CDCP2: variants seen among roughly 807,000 people sequenced by gnomAD.
CDCP2 encodes the protein CUB domain containing protein 2, also known as CUB domain-containing protein 2.
CDCP2 carries 31 observed loss-of-function variants against 31.0 expected under a neutral mutation model. The observed-to-expected ratio is 1.00, with a 90% confidence interval of 0.75 to 1.35. The LOEUF (loss-of-function observed/expected upper bound fraction) is 1.35. Ranked by LOEUF, CDCP2 falls within the 40% of genes most tolerant of loss-of-function variation. The pLI is 0.00. For synonymous variants in CDCP2, 206 were observed against 207.9 expected (o/e 0.99, Z 0.08); for missense variants, 443 against 482.6 (o/e 0.92, Z 0.77).
chr1:54,135,245 G>A (rs534873438), intron 5 of CDCP2, among the ~76,000 whole-genome samples: 3 of 152,272 alleles, frequency 2.0e-5, no homozygotes, highest in African/African-American at 7.2e-5. Context: ...AGAAAGAAAA[G>A]CCACACAACA....
intron 1 of CDCP2, among the ~76,000 whole-genome samples, chr1:54,151,860 G>A (rs1659588975): frequency 6.6e-6 from 1 of 152,198 alleles, no homozygotes; most frequent in Non-Finnish European, 1.5e-5. Flanking sequence ...GGATGTGGAA[G>A]GCCGACGGAG....
chr1:54,137,075 G>A (rs1304081802), intron 4 of CDCP2, among the ~76,000 whole-genome samples: 3 of 152,220 alleles, frequency 2.0e-5, no homozygotes, highest in Non-Finnish European at 2.9e-5. Context: ...AGCTTGGCAG[G>A]CCCAGTGAAT....
In CDCP2 at chr1:54,144,934, T is replaced by C. The variant is rs555883405; in HGVS notation, c.80-121A>G. On this transcript the variant is annotated intron_variant, in intron 1 of 5. Transcript: ENST00000530059. ...GATGGGATGAGGGAACACATGGCCA[T>C]GTGTTTATTTGCTCATGCATCTACT... 1.3e-4 allele frequency: 83 copies of C among 663,752 alleles called. No homozygotes were observed. In the African/African-American group the frequency reaches 1.4e-3, roughly 11 times the overall value. The allele number at this position is 663,752 out of a possible 1,614,324, so 41.1% of individuals were successfully genotyped here.
intron 5 of CDCP2, 98 bp from the exon 6 acceptor site, chr1:54,133,392 G>A (rs1056158784): frequency 9.3e-5 from 37 of 397,744 alleles, no homozygotes; most frequent in East Asian, 2.5e-4. Context: ...GGCAGAGCCC[G>A]AGGAGCCTGT....
intron 1 of CDCP2, among the ~76,000 whole-genome samples, chr1:54,151,539 C>T (rs1310437750): frequency 1.3e-5 from 2 of 152,164 alleles, no homozygotes; most frequent in Admixed American, 6.5e-5. Flanking sequence ...ACACTGATGT[C>T]CAGGGTTACC....
intron 1 of CDCP2, among the ~76,000 whole-genome samples, chr1:54,151,708 C>T (rs899587337): frequency 4.6e-5 from 7 of 152,148 alleles, no homozygotes; most frequent in African/African-American, 1.4e-4. Context: ...TGAGCCTTGC[C>T]GAAGGGTGAA....
chr1:54,150,369 T>G (rs1200339673), intron 1 of CDCP2, among the ~76,000 whole-genome samples: 1 of 152,048 alleles, frequency 6.6e-6, no homozygotes, highest in Non-Finnish European at 1.5e-5. Flanking sequence ...CCAAGGTGGG[T>G]GGATCACCTG....
At chr1:54,133,622 T>C (rs371545245) in intron 5 of CDCP2, among the ~76,000 whole-genome samples, 119 of 152,216 alleles carry the variant, frequency 7.8e-4, no homozygotes, top group Middle Eastern at 3.4e-3. Context: ...TGTGGCCGGG[T>C]GCGGTGGCTC....
exon 4 of CDCP2, chr1:54,139,868 A>G (rs1350171441): frequency 1.9e-5 from 30 of 1,614,070 alleles, no homozygotes; most frequent in Non-Finnish European, 2.3e-5. Flanking sequence ...GTCCACACCA[A>G]TTCCCCAGCA....
intron 1 of CDCP2, among the ~76,000 whole-genome samples, chr1:54,151,439 C>T (rs535843932): frequency 1.3e-5 from 2 of 152,288 alleles, no homozygotes; most frequent in African/African-American, 4.8e-5. Flanking sequence ...CAGGGAAAGG[C>T]GCCAGAGCAT....
Position 54,141,440 on chromosome 1 carries a change from G to C in CDCP2, c.428-7C>G, listed in dbSNP as rs1659373659. ...AGGACGCCGCCACACACATCTGCAA[G>C]GGAGCCCACTTGAGCTGACCTTTCT... On this transcript the variant is annotated splice_polypyrimidine_tract_variant and splice_region_variant and intron_variant, in intron 2 of 5. Transcript: ENST00000530059. 3 of 1,590,364 alleles carry C rather than the reference G, an allele frequency of 1.9e-6. No homozygotes were observed. The highest frequency in any genetic ancestry group is 2.6e-6 in the Non-Finnish European group (3 of 1,167,308).
intron 3 of CDCP2, chr1:54,140,889 T>A: frequency 2.2e-6 from 1 of 446,966 alleles, no homozygotes; most frequent in Non-Finnish European, 4.0e-6. Flanking sequence ...GAAAAAAGGA[T>A]TAATTCTGGT....
chr1:54,143,552 T>C (rs1411707075), intron 2 of CDCP2: 1 of 152,098 alleles, frequency 6.6e-6, no homozygotes, highest in Non-Finnish European at 1.5e-5. Flanking sequence ...ATTCTACAAA[T>C]CTAAGGGTCT....
exon 6 of CDCP2, chr1:54,133,192 G>T (rs779098408): frequency 2.5e-6 from 1 of 398,994 alleles, no homozygotes; most frequent in Non-Finnish European, 4.4e-6. Flanking sequence ...GCCTCCTTGC[G>T]CCGTGGCTCA....
chr1:54,144,024 C>A, intron 2 of CDCP2: 1 of 154,200 alleles, frequency 6.5e-6, no homozygotes. Flanking sequence ...GCAGTGGTGT[C>A]CTCTCCTGTG....
chr1:54,140,771 A>G (rs1374007302), intron 3 of CDCP2: 1 of 247,648 alleles, frequency 4.0e-6, no homozygotes. Flanking sequence ...TGCCAGGTAC[A>G]AAGATAAGCC....
intron 2 of CDCP2, chr1:54,142,945 T>C (rs1201304635): frequency 6.6e-6 from 1 of 152,234 alleles, no homozygotes; most frequent in African/African-American, 2.4e-5. Flanking sequence ...TTTAACAAGA[T>C]ATTAAAATTT....
At chr1:54,144,480 G>A (rs370851109) in exon 2 of CDCP2, 35 of 1,575,806 alleles carry the variant, frequency 2.2e-5, no homozygotes, top group Admixed American at 1.6e-4. Context: ...CTGGTAGCCC[G>A]CAGAAAAGCC....
At chr1:54,141,478 C>T (rs773384008) in intron 2 of CDCP2, 45 bp from the exon 3 acceptor site, 15 of 1,518,706 alleles carry the variant, frequency 9.9e-6, no homozygotes, top group Middle Eastern at 1.8e-4. Context: ...CTCCTTGTGG[C>T]TCCCAGTTTC....
Sources: gnomAD v4.1 joint callset for allele counts (sites outside exome capture counted in the v4.1 genomes callset) on GRCh38, gnomAD v4.1.1 for gene constraint, MANE v1.5 for transcripts, NCBI Gene and HGNC (gene_info 2026-07-23, HGNC 2026-07-21) for gene names.